Variants in MDGA2 observed in about 807,000 individuals in gnomAD.
MDGA2 encodes MAM domain containing glycosylphosphatidylinositol anchor 2, also known as MAM domain-containing glycosylphosphatidylinositol anchor protein 2.
A neutral mutation model predicts 117.8 loss-of-function variants in MDGA2; 40 were observed. The observed-to-expected ratio is 0.34, with a 90% CI of 0.26 to 0.44. The LOEUF (loss-of-function observed/expected upper bound fraction) is 0.44, where lower values mean the gene tolerates loss of function less well. Ranked by LOEUF, MDGA2 falls within the 20% of genes least tolerant of loss-of-function variation. MDGA2 has a pLI of 1.00. For missense variants in MDGA2, 1,123 were observed against 1,250.6 expected (o/e 0.90, Z 1.54); for synonymous variants, 452 against 439.0 (o/e 1.03, Z -0.37).
At chr14:47,348,293 C>T (rs1386349498) in intron 1 of MDGA2, among the ~76,000 whole-genome samples, 7 of 151,834 alleles carry the variant, frequency 4.6e-5, no homozygotes. Context: ...CTCACTGCAA[C>T]CCCTGCCTCC....
chr14:47,305,243 A>G (rs1889404616), intron 1 of MDGA2: 1 of 152,192 alleles, frequency 6.6e-6, no homozygotes, highest in African/African-American at 2.4e-5. Context: ...GAAGCAAGAC[A>G]TCTCTGATCC....
chr14:47,144,243 T>G lies in MDGA2; in HGVS notation c.627A>C (p.Gln209His). 6.4e-7 allele frequency: 1 copy of G among 1,551,112 alleles called. No individual in the cohort carries two copies. The highest frequency in any genetic ancestry group is 8.7e-7 in the Non-Finnish European group (1 of 1,146,662). ...YLDDPVVTVHQSIGEAKEQFY... is the reference protein window; with the variant it reads ...YLDDPVVTVHHSIGEAKEQFY... ...ATTGTTCTTTAGCTTCACCTATACT[T>G]TGATGAACAGTTACTACTGGATCAT... is the stretch of plus-strand genomic sequence containing the variant. Residue 209 changes from glutamine to histidine, a missense_variant, in exon 4 of 17, where the codon CAA (glutamine) becomes CAC (histidine). Gln to His is a conservative substitution (Grantham distance 24). Transcript: ENST00000399232.
chr14:47,248,276 T>C (rs1887318437), intron 2 of MDGA2, among the ~76,000 whole-genome samples: 1 of 151,500 alleles, frequency 6.6e-6, no homozygotes, highest in Non-Finnish European at 1.5e-5. Context: ...ATGAATTTAT[T>C]TTACAAAAAA....
intron 1 of MDGA2, among the ~76,000 whole-genome samples, chr14:47,357,439 A>T (rs1891019908): frequency 6.6e-6 from 1 of 152,188 alleles, no homozygotes; most frequent in Non-Finnish European, 1.5e-5. Flanking sequence ...TGGACAATCA[A>T]TTGGCCTTAG....
intron 1 of MDGA2, among the ~76,000 whole-genome samples, chr14:47,556,189 C>A (rs1184488848): frequency 6.6e-6 from 1 of 152,110 alleles, no homozygotes; most frequent in Non-Finnish European, 1.5e-5. Flanking sequence ...TCTGTCATTG[C>A]AAGTGACACA....
intron 1 of MDGA2, among the ~76,000 whole-genome samples, chr14:47,588,257 TATATAC>T (rs567393773): frequency 0.039 from 3,808 of 98,568 alleles, 99 homozygotes; most frequent in Middle Eastern, 0.05. Context: ...TATATATATA[TATATAC>T]ACACACACAC....
chr14:47,465,821 G>A (rs549286478), intron 1 of MDGA2, among the ~76,000 whole-genome samples: 4 of 152,206 alleles, frequency 2.6e-5, no homozygotes, highest in East Asian at 1.9e-4. Flanking sequence ...CAGAAATCCC[G>A]TTACTGGGTG....
In MDGA2 at chr14:46,841,481, T is replaced by C. The variant is rs1336229058; in HGVS notation, c.*450A>G. On this transcript the variant is annotated 3_prime_UTR_variant, in exon 17 of 17. Coordinates refer to ENST00000399232, the MANE Select transcript of MDGA2 (RefSeq NM_001113498.3). ...TCGTAAGGAAAATAAATGCCAGCTC[T>C]TCACGTACCCTGTTTACAGTGAGGT... 2 of 152,834 alleles carry C rather than the reference T, an allele frequency of 1.3e-5. No homozygotes were observed. Among genetic ancestry groups the C allele is most frequent in the Non-Finnish European group, 2.9e-5 (2 of 68,246 alleles). 9.5% of individuals were successfully genotyped at this position (152,834 alleles called of 1,614,324 possible).
At chr14:47,072,263 T>C (rs1890319518) in intron 6 of MDGA2, among the ~76,000 whole-genome samples, 1 of 152,100 alleles carries the variant, frequency 6.6e-6, no homozygotes, top group African/African-American at 2.4e-5. Context: ...TACATGTGGA[T>C]AGAGACATTA....
At chr14:47,551,136 A>G (rs969810206) in intron 1 of MDGA2, among the ~76,000 whole-genome samples, 1 of 152,224 alleles carries the variant, frequency 6.6e-6, no homozygotes, top group African/African-American at 2.4e-5. Context: ...TAAAATACAA[A>G]TCAACTTTAA....
At chr14:47,420,897 A>G (rs1002134359) in intron 1 of MDGA2, among the ~76,000 whole-genome samples, 5 of 152,106 alleles carry the variant, frequency 3.3e-5, no homozygotes, top group Non-Finnish European at 5.9e-5. Flanking sequence ...AGCAAACACA[A>G]ATGGTGCACC....
chr14:47,601,700 A>T (rs1015412047), intron 1 of MDGA2, among the ~76,000 whole-genome samples: 1 of 152,166 alleles, frequency 6.6e-6, no homozygotes, highest in African/African-American at 2.4e-5. Context: ...TGTGGGTAAA[A>T]GATTTTTTCA....
chr14:47,469,059 A>G (rs1323810762), intron 1 of MDGA2, among the ~76,000 whole-genome samples: 1 of 152,190 alleles, frequency 6.6e-6, no homozygotes, highest in Non-Finnish European at 1.5e-5. Context: ...GATGACCTAC[A>G]TAATAGCATA....
Position 47,222,574 on chromosome 14 carries a change from A to C in MDGA2, c.421-4379T>G, listed in dbSNP as rs1055081149. Among the ~76,000 whole-genome samples, 135 of 152,274 alleles carry C rather than the reference A, an allele frequency of 8.9e-4. 1 individual carries two copies. Among genetic ancestry groups the C allele is most frequent in the African/African-American group, 3.2e-3 (132 of 41,568 alleles). On this transcript the variant is annotated intron_variant, in intron 2 of 16. Coordinates refer to ENST00000399232, the MANE Select transcript of MDGA2 (RefSeq NM_001113498.3). Reference sequence around the variant, plus strand: ...TTTAAGTTAAGAGGAAATACAGGACAAACTAAAAAAATACAATAAACATAT... The same window carrying C: ...TTTAAGTTAAGAGGAAATACAGGACCAACTAAAAAAATACAATAAACATAT...
chr14:47,481,687 T>A (rs1483466894), intron 1 of MDGA2, among the ~76,000 whole-genome samples: 1 of 152,012 alleles, frequency 6.6e-6, no homozygotes, highest in South Asian at 2.1e-4. Flanking sequence ...AGTTTCTCCA[T>A]CCTAGGTAGG....
chr14:47,021,338 T>C (rs556076623), intron 8 of MDGA2, among the ~76,000 whole-genome samples: 1 of 152,124 alleles, frequency 6.6e-6, no homozygotes, highest in Non-Finnish European at 1.5e-5. Context: ...AGGGAAAGAT[T>C]AAGGTAAAAT....
chr14:47,456,493 G>C (rs1893357566), intron 1 of MDGA2, among the ~76,000 whole-genome samples: 1 of 151,314 alleles, frequency 6.6e-6, no homozygotes, highest in South Asian at 2.1e-4. Context: ...ACTAGAGACG[G>C]GGTTTCTCCA....
chr14:47,258,982 A>G lies in MDGA2; in HGVS notation c.421-40787T>C, dbSNP rs186403603. Among the ~76,000 whole-genome samples the G allele has an allele frequency of 2.2e-3, 337 of 152,238 alleles. 2 individuals are homozygous for G. The highest frequency in any genetic ancestry group is 7.6e-3 in the African/African-American group (317 of 41,538). On this transcript the variant is annotated intron_variant, in intron 2 of 16. Coordinates refer to ENST00000399232, the MANE Select transcript of MDGA2 (RefSeq NM_001113498.3). ...TGTCAGCTGAAACTCTATTAGGTAT[A>G]TCTTCAATTATGTTGAAAACAAAAA... is the stretch of plus-strand genomic sequence containing the variant.
rs190746306 is a variant in MDGA2, at chr14:46,874,561, A to G, written c.2438-361T>C. On this transcript the variant is annotated intron_variant, in intron 12 of 16. Transcript: ENST00000399232. ...AGAAACAATCAAAACAAAACTGTCA[A>G]TTGGAAAATTACCTTTATTAATTTA... Among the ~76,000 whole-genome samples the G allele has an allele frequency of 3.9e-5, 6 of 151,964 alleles. No homozygotes were observed. The Admixed American group carries it at 3.9e-4, about 10-fold the overall frequency.
Sources: gnomAD v4.1 joint callset for allele counts (sites outside exome capture counted in the v4.1 genomes callset) on GRCh38, gnomAD v4.1.1 for gene constraint, MANE v1.5 for transcripts, NCBI Gene and HGNC (gene_info 2026-07-23, HGNC 2026-07-21) for gene names.